Variants in RNPS1 observed in about 807,000 individuals in gnomAD.
RNPS1 encodes RNA binding protein with serine rich domain 1.
For synonymous variants in RNPS1, 147 were observed against 150.0 expected (o/e 0.98, Z 0.15); for missense variants, 300 against 427.6 (o/e 0.70, Z 2.63).
intron 6 of RNPS1, chr16:2,256,125 C>CAA (rs879588180): frequency 1.5e-4 from 24 of 163,604 alleles, no homozygotes; most frequent in South Asian, 3.4e-4. Context: ...AACTCCGTCT[C>CAA]AAAAAAAAAA....
At chr16:2,256,574 A>G (rs1208005280) in intron 6 of RNPS1, 1 of 152,270 alleles carries the variant, frequency 6.6e-6, no homozygotes, top group Non-Finnish European at 1.5e-5. Flanking sequence ...AAAAAAGAAA[A>G]GTAAAGAATG....
At chr16:2,260,895 C>A (rs1360520795) in intron 6 of RNPS1, among the ~76,000 whole-genome samples, 2 of 152,128 alleles carry the variant, frequency 1.3e-5, no homozygotes, top group Non-Finnish European at 2.9e-5. Flanking sequence ...CTTTGGGAGG[C>A]CGAGGCAGGC....
chr16:2,257,631 A>G (rs2093584820), intron 6 of RNPS1: 1 of 152,154 alleles, frequency 6.6e-6, no homozygotes, highest in Non-Finnish European at 1.5e-5. Flanking sequence ...TAGCTCAGCA[A>G]GCACTCAGAC....
chr16:2,267,670 C>T (rs1479952142), intron 1 of RNPS1: 10 of 1,147,920 alleles, frequency 8.7e-6, no homozygotes, highest in Non-Finnish European at 1.1e-5. Context: ...CACAACTCCC[C>T]CGTCCAGGCG....
chr16:2,255,164 C>G (rs879885780), intron 7 of RNPS1, among the ~76,000 whole-genome samples: 1 of 152,212 alleles, frequency 6.6e-6, no homozygotes, highest in Non-Finnish European at 1.5e-5. Flanking sequence ...TCCCCAAAGG[C>G]TGAAAGCACA....
Position 2,263,121 on chromosome 16 carries a change from C to T in RNPS1, c.394G>A (p.Asp132Asn), listed in dbSNP as rs1268253351. Residue 132 changes from aspartate (D) to asparagine (N), a missense_variant, in exon 4 of 8, where the codon GAC becomes AAC. Transcript: ENST00000320225. ...TTGGAGCGGGAGCGCCTCCTGTTGT[C>T]GTGTCTGCGCCGAGAAGGACTTGGA... Reference protein sequence around the residue: ...GSPSPSRRRHDNRRRSRSKSK... With the variant: ...GSPSPSRRRHNNRRRSRSKSK... The T allele has an allele frequency of 1.1e-5, 17 of 1,612,772 alleles. No homozygotes were observed. The highest frequency in any genetic ancestry group is 5.0e-5 in the Admixed American group (3 of 59,980).
chr16:2,266,601 T>A, intron 1 of RNPS1: 1 of 985,402 alleles, frequency 1.0e-6, no homozygotes, highest in Non-Finnish European at 1.2e-6. Flanking sequence ...TATCTCCACG[T>A]CCGGAGGCTC....
intron 1 of RNPS1, chr16:2,266,329 G>A (rs1044230570): frequency 2.0e-6 from 2 of 985,198 alleles, no homozygotes; most frequent in Non-Finnish European, 2.4e-6. Context: ...CTTTAGAACA[G>A]TAAGGTTCTG....
intron 4 of RNPS1, 47 bp from the exon 5 acceptor site, chr16:2,262,889 A>T (rs1329379449): frequency 3.3e-6 from 5 of 1,533,876 alleles, no homozygotes; most frequent in Non-Finnish European, 4.5e-6. Flanking sequence ...TCAAGTCAAA[A>T]TGTACTAGAC....
At position 2,255,920 on chromosome 16, in the gene RNPS1, G is replaced by A. The variant is rs2093576257; in HGVS notation, c.677-194C>T. ...AGGCAGGTGGATCACGAGGTCAGGA[G>A]ATCGAGACCATCCTGGCTAACATGG... On this transcript the variant is annotated intron_variant, in intron 6 of 7. Coordinates refer to ENST00000320225, the MANE Select transcript of RNPS1 (RefSeq NM_080594.4). 5 of 600,974 alleles carry A rather than the reference G, an allele frequency of 8.3e-6. No individual in the cohort carries two copies. In the East Asian group the frequency reaches 1.5e-4, roughly 18 times the overall value. The allele number at this position is 600,974 out of a possible 1,614,324, so 37.2% of individuals were successfully genotyped here.
intron 1 of RNPS1, chr16:2,266,842 A>G (rs2093626899): frequency 4.6e-6 from 2 of 434,076 alleles, no homozygotes; most frequent in East Asian, 3.2e-4. Context: ...TATAATCAAC[A>G]TAAACATCTA....
rs1336452597 is a variant in RNPS1, at chr16:2,263,305, G to T, written c.228-18C>A. On this transcript the variant is annotated intron_variant, in intron 3 of 7. Transcript: ENST00000320225. Reference sequence around the variant, plus strand: ...ACCGAGACCTGAGGGCAAGATGAGGGGTCACAACCACCACACACCAAGTCT... The same window carrying T: ...ACCGAGACCTGAGGGCAAGATGAGGTGTCACAACCACCACACACCAAGTCT... The T allele has an allele frequency of 8.7e-6, 14 of 1,613,148 alleles. No individual in the cohort carries two copies. The Admixed American group carries it at 1.3e-4, about 15-fold the overall frequency.
intron 6 of RNPS1, among the ~76,000 whole-genome samples, chr16:2,260,147 CTTTTTTTTTT>C (rs776703032): frequency 1.9e-4 from 14 of 72,432 alleles, no homozygotes; most frequent in South Asian, 4.7e-4. Flanking sequence ...TGTGTGTATT[CTTTTTTTTTT>C]TTTTTTTTTT....
intron 2 of RNPS1, 114 bp from the exon 3 acceptor site, chr16:2,264,445 G>A: frequency 6.5e-7 from 1 of 1,540,568 alleles, no homozygotes; most frequent in Non-Finnish European, 8.9e-7. Context: ...GGTGACCACA[G>A]AGCAAAGTGG....
intron 6 of RNPS1, among the ~76,000 whole-genome samples, chr16:2,261,860 G>A (rs2093604319): frequency 6.6e-6 from 1 of 152,166 alleles, no homozygotes; most frequent in Admixed American, 6.5e-5. Context: ...AATTTACTGA[G>A]GCTCCAGAGG....
At position 2,254,020 on chromosome 16, in the gene RNPS1, G is replaced by A. The variant is rs376440823; in HGVS notation, c.862C>T (p.Arg288Trp). 5.3e-6 allele frequency: 8 copies of A among 1,521,774 alleles called. No homozygotes were observed. The highest frequency in any genetic ancestry group is 2.5e-5 in the East Asian group (1 of 40,470). The allele number at this position is 1,521,774 out of a possible 1,614,324, so 94.3% of individuals were successfully genotyped here. The change falls in exon 8 of 8, where the codon CGG becomes TGG. Residue 288 changes from arginine (R) to tryptophan (W), a missense_variant. Arg to Trp is a moderately radical substitution (Grantham distance 101). Transcript: ENST00000320225. ...RRRSPVRRRSRSPGRRRHRSR... is the reference protein window; with the variant it reads ...RRRSPVRRRSWSPGRRRHRSR... ...CTGTGGCGGCGGCGGCCCGGGGACC[G>A]TGATCTCCGGCGCACGGGGGACCTG...
In RNPS1 at chr16:2,267,286, G is replaced by T. The variant is rs997399677; in HGVS notation, c.-118+769C>A. 5.7e-5 allele frequency: 56 copies of T among 984,138 alleles called. No homozygotes were observed. The African/African-American group carries it at 9.4e-4, about 17-fold the overall frequency. 61.0% of individuals were successfully genotyped at this position (984,138 alleles called of 1,614,324 possible). ...CAATTAGTTAAATCTCGAGGAGAGGGCGTTTCGGCACAAATCTTCAGAGCA... is the reference window on the plus strand; with the variant it reads ...CAATTAGTTAAATCTCGAGGAGAGGTCGTTTCGGCACAAATCTTCAGAGCA... On this transcript the variant is annotated intron_variant, in intron 1 of 7. Transcript: ENST00000320225.
chr16:2,254,173 G>A, intron 7 of RNPS1, 110 bp from the exon 8 acceptor site: 1 of 784,178 alleles, frequency 1.3e-6, no homozygotes, highest in Non-Finnish European at 1.9e-6. Context: ...ATATCACTCT[G>A]TCTCCAGGCC....
intron 6 of RNPS1, among the ~76,000 whole-genome samples, chr16:2,259,343 GTAA>G (rs2093592454): frequency 6.6e-6 from 1 of 152,198 alleles, no homozygotes; most frequent in South Asian, 2.1e-4. Context: ...TACATGATCA[GTAA>G]TAATTATAAT....
Sources: allele counts gnomAD v4.1 joint callset (sites outside exome capture counted in the v4.1 genomes callset), GRCh38; gene constraint gnomAD v4.1.1; transcripts MANE v1.5; gene names NCBI Gene and HGNC (gene_info 2026-07-23, HGNC 2026-07-21).